The following ENTREP2 variants were observed in gnomAD, a reference collection of about 807,000 sequenced individuals.
ENTREP2 encodes endosomal transmembrane epsin interactor 2.
At chr15:29,444,189 A>C in the ENTREP2 span, among the ~76,000 whole-genome samples, 1,233 of 119,620 alleles carry the variant, frequency 0.01, 72 homozygotes, top group African/African-American at 0.016. Flanking sequence ...AAAGAAAGAA[A>C]GAAAGAAAGA....
chr15:29,457,167 A>C, the ENTREP2 span, among the ~76,000 whole-genome samples: 1 of 152,314 alleles, frequency 6.6e-6, no homozygotes, highest in Middle Eastern at 3.4e-3. Flanking sequence ...GAAGCACAGA[A>C]GCCGGCATGG....
chr15:29,334,245 G>C, the ENTREP2 span, among the ~76,000 whole-genome samples: 95,776 of 152,044 alleles, frequency 0.63, 33,651 homozygotes, highest in Non-Finnish European at 0.78. Flanking sequence ...AAGTGAAGAA[G>C]GTCCCGGGGG....
chr15:29,417,069 T>C, the ENTREP2 span, among the ~76,000 whole-genome samples: 3 of 152,206 alleles, frequency 2.0e-5, no homozygotes, highest in Non-Finnish European at 4.4e-5. Flanking sequence ...AGTTCAACCA[T>C]TGTGGAAGTC....
At chr15:29,535,385 TA>T in the ENTREP2 span, among the ~76,000 whole-genome samples, 1 of 149,776 alleles carries the variant, frequency 6.7e-6, no homozygotes, top group South Asian at 2.1e-4. Context: ...TCAGTGTGAA[TA>T]AAAACTAAAC....
At chr15:29,537,596 T>G in the ENTREP2 span, among the ~76,000 whole-genome samples, 1 of 152,192 alleles carries the variant, frequency 6.6e-6, no homozygotes, top group East Asian at 1.9e-4. Context: ...TCTGGATCAT[T>G]GCATTAGCCT....
At chr15:29,181,046 T>C in the ENTREP2 span, among the ~76,000 whole-genome samples, 1 of 150,140 alleles carries the variant, frequency 6.7e-6, no homozygotes, top group African/African-American at 2.5e-5. Flanking sequence ...CTGACAAAAA[T>C]AGGCAAGTCT....
At chr15:29,132,399 G>C in the ENTREP2 span, among the ~76,000 whole-genome samples, 2 of 152,302 alleles carry the variant, frequency 1.3e-5, no homozygotes, top group South Asian at 2.1e-4. Flanking sequence ...CAGTGGGCCC[G>C]AGGGCTCTAG....
At chr15:29,226,654 G>A in the ENTREP2 span, among the ~76,000 whole-genome samples, 1 of 152,318 alleles carries the variant, frequency 6.6e-6, no homozygotes, top group Admixed American at 6.5e-5. Context: ...GGGTTGCCCT[G>A]GTTACTATGG....
chr15:29,604,174 G>A, the ENTREP2 span, among the ~76,000 whole-genome samples: 1 of 152,242 alleles, frequency 6.6e-6, no homozygotes, highest in African/African-American at 2.4e-5. Context: ...AAGAAATACC[G>A]ATAATGAATA....
chr15:29,200,512 CAA>C, the ENTREP2 span, among the ~76,000 whole-genome samples: 1 of 151,216 alleles, frequency 6.6e-6, no homozygotes, highest in Admixed American at 6.6e-5. Flanking sequence ...TCATTGTCTC[CAA>C]AAAAAGTGTT....
At chr15:29,471,984 G>A in the ENTREP2 span, among the ~76,000 whole-genome samples, 2 of 152,134 alleles carry the variant, frequency 1.3e-5, no homozygotes, top group Non-Finnish European at 2.9e-5. Flanking sequence ...CCTGAGGGCT[G>A]GGGTGGAGCA....
chr15:29,417,673 TAA>T, the ENTREP2 span, among the ~76,000 whole-genome samples: 2 of 150,952 alleles, frequency 1.3e-5, no homozygotes, highest in Admixed American at 1.3e-4. Context: ...ATAATAATAA[TAA>T]TCTACGTAAA....
At chr15:29,242,017 C>G in the ENTREP2 span, among the ~76,000 whole-genome samples, 1 of 152,272 alleles carries the variant, frequency 6.6e-6, no homozygotes, top group Non-Finnish European at 1.5e-5. Flanking sequence ...GCACTCCAGC[C>G]TGGGCAATAG....
At chr15:29,241,422 A>G in the ENTREP2 span, among the ~76,000 whole-genome samples, 2,326 of 139,016 alleles carry the variant, frequency 0.017, 81 homozygotes, top group African/African-American at 0.057. Context: ...ACATAAATAT[A>G]TATGTGCATA....
chr15:29,637,200 A>AT, the ENTREP2 span, among the ~76,000 whole-genome samples: 1 of 152,198 alleles, frequency 6.6e-6, no homozygotes, highest in Non-Finnish European at 1.5e-5. Flanking sequence ...TCCTTGAGAA[A>AT]GCCAGCCCCT....
At chr15:29,296,901 C>T in the ENTREP2 span, among the ~76,000 whole-genome samples, 1 of 152,116 alleles carries the variant, frequency 6.6e-6, no homozygotes, top group Non-Finnish European at 1.5e-5. Context: ...CAAATGTGGC[C>T]TATTGCCCTG....
the ENTREP2 span, among the ~76,000 whole-genome samples, chr15:29,537,936 G>T: frequency 2.0e-5 from 3 of 152,018 alleles, no homozygotes; most frequent in Non-Finnish European, 4.4e-5. Flanking sequence ...ACTTCTGCAG[G>T]TCGCTACTGA....
chr15:29,518,998 G>A, the ENTREP2 span, among the ~76,000 whole-genome samples: 1 of 152,114 alleles, frequency 6.6e-6, no homozygotes, highest in Non-Finnish European at 1.5e-5. Flanking sequence ...CTCCACCAGT[G>A]AGTACTTCAG....
chr15:29,383,558 G>C, the ENTREP2 span, among the ~76,000 whole-genome samples: 1,288 of 152,302 alleles, frequency 8.5e-3, 7 homozygotes, highest in Non-Finnish European at 0.013. Context: ...TCCGGGCACT[G>C]GCTGGAAGGG....
Sources: allele counts gnomAD v4.1 joint callset (sites outside exome capture counted in the v4.1 genomes callset), GRCh38; gene constraint gnomAD v4.1.1; transcripts MANE v1.5; gene names NCBI Gene and HGNC (gene_info 2026-07-23, HGNC 2026-07-21).